NRG3: variants seen among roughly 807,000 people sequenced by gnomAD.
The protein encoded by NRG3 is neuregulin 3, also known as pro-neuregulin-3, membrane-bound isoform.
Under a neutral mutation model 66.9 loss-of-function variants are expected in NRG3, and 31 were observed. That is an observed-to-expected ratio of 0.46 (90% CI 0.35 to 0.63). The LOEUF (loss-of-function observed/expected upper bound fraction) is 0.63, where lower values mean the gene tolerates loss of function less well. Ranked by LOEUF, NRG3 falls within the 20% of genes least tolerant of loss-of-function variation. The pLI, the probability that NRG3 is intolerant of heterozygous loss-of-function variation, is 0.00. For missense variants in NRG3, 910 were observed against 878.9 expected, an observed-to-expected ratio of 1.04 and a Z score of -0.45; for synonymous variants, 393 against 359.4, an observed-to-expected ratio of 1.09 and a Z score of -1.06.
intron 2 of NRG3, among the ~76,000 whole-genome samples, chr10:82,441,593 C>T (rs192327034): frequency 2.6e-5 from 4 of 152,190 alleles, no homozygotes; most frequent in African/African-American, 4.8e-5. Flanking sequence ...TGAACCGGCC[C>T]GCACAGCGAT....
At chr10:82,033,649 A>G (rs1251104812) in intron 1 of NRG3, among the ~76,000 whole-genome samples, 1 of 152,142 alleles carries the variant, frequency 6.6e-6, no homozygotes, top group Non-Finnish European at 1.5e-5. Flanking sequence ...TGAATCAAGT[A>G]GTGATGGATG....
chr10:82,545,063 A>G (rs1480277431), intron 2 of NRG3, among the ~76,000 whole-genome samples: 3 of 152,158 alleles, frequency 2.0e-5, no homozygotes, highest in African/African-American at 4.8e-5. Flanking sequence ...CATTGCACAT[A>G]TATCTAGGGC....
intron 1 of NRG3, among the ~76,000 whole-genome samples, chr10:82,073,493 A>G (rs552999492): frequency 2.6e-5 from 4 of 152,272 alleles, no homozygotes; most frequent in African/African-American, 7.2e-5. Flanking sequence ...CTTTTTATCC[A>G]TGATCAGATT....
chr10:82,235,387 A>G (rs1291674858), intron 1 of NRG3, among the ~76,000 whole-genome samples: 6 of 152,252 alleles, frequency 3.9e-5, no homozygotes, highest in Non-Finnish European at 8.8e-5. Context: ...ATACAGTATT[A>G]GAATAGTTTA....
chr10:82,261,676 G>T (rs2078039770), intron 1 of NRG3, among the ~76,000 whole-genome samples: 2 of 152,184 alleles, frequency 1.3e-5, no homozygotes, highest in African/African-American at 4.8e-5. Flanking sequence ...TTCCTTATGG[G>T]AAACAGGGAT....
At chr10:82,321,301 T>TGGGGGG (rs373044749) in intron 1 of NRG3, among the ~76,000 whole-genome samples, 3 of 137,946 alleles carry the variant, frequency 2.2e-5, no homozygotes, top group Non-Finnish European at 4.7e-5. Flanking sequence ...GTGGCAGGGG[T>TGGGGGG]GGGGGTGGGG....
chr10:82,215,550 G>T (rs2075620944), intron 1 of NRG3, among the ~76,000 whole-genome samples: 1 of 152,118 alleles, frequency 6.6e-6, no homozygotes, highest in Admixed American at 6.5e-5. Flanking sequence ...GTTTTCTGCA[G>T]AATCATCTTC....
At chr10:82,919,693 C>G (rs1048895635) in intron 4 of NRG3, among the ~76,000 whole-genome samples, 1 of 152,128 alleles carries the variant, frequency 6.6e-6, no homozygotes, top group Non-Finnish European at 1.5e-5. Context: ...TTGGCTAACA[C>G]AAATGTAGAT....
At chr10:82,066,033 CATT>C (rs1198922118) in intron 1 of NRG3, among the ~76,000 whole-genome samples, 1 of 152,074 alleles carries the variant, frequency 6.6e-6, no homozygotes, top group Non-Finnish European at 1.5e-5. Flanking sequence ...ATCATTTTAA[CATT>C]ATAATCATTA....
At chr10:82,092,028 GA>G (rs1371977334) in intron 1 of NRG3, among the ~76,000 whole-genome samples, 1 of 152,078 alleles carries the variant, frequency 6.6e-6, no homozygotes, top group Non-Finnish European at 1.5e-5. Flanking sequence ...ATTTAGTGAA[GA>G]AAAAATATTA....
chr10:82,840,351 T>C (rs1028463373), intron 3 of NRG3, among the ~76,000 whole-genome samples: 1 of 152,268 alleles, frequency 6.6e-6, no homozygotes, highest in East Asian at 1.9e-4. Context: ...ATCTTGATCC[T>C]TTTTCTCCTA....
intron 1 of NRG3, among the ~76,000 whole-genome samples, chr10:82,143,741 G>A (rs949915566): frequency 5.3e-5 from 8 of 152,138 alleles, no homozygotes; most frequent in African/African-American, 1.9e-4. Flanking sequence ...AGCATGTGTG[G>A]ATATGTGGCT....
chr10:82,862,181 A>C (rs930954383), intron 3 of NRG3, among the ~76,000 whole-genome samples: 3 of 152,196 alleles, frequency 2.0e-5, no homozygotes, highest in African/African-American at 7.2e-5. Flanking sequence ...GGTCCTACCG[A>C]ATACCAACAG....
intron 2 of NRG3, among the ~76,000 whole-genome samples, chr10:82,381,947 A>G (rs937251342): frequency 6.6e-6 from 1 of 152,128 alleles, no homozygotes; most frequent in African/African-American, 2.4e-5. Flanking sequence ...AGTTTGGTTT[A>G]AACCATATTT....
chr10:82,208,595 T>G (rs961743230), intron 1 of NRG3, among the ~76,000 whole-genome samples: 7 of 152,042 alleles, frequency 4.6e-5, no homozygotes, highest in African/African-American at 7.2e-5. Context: ...TGTTCTTTGG[T>G]CTTCCCAGAG....
chr10:82,131,616 T>C (rs888748092), intron 1 of NRG3, among the ~76,000 whole-genome samples: 10 of 152,230 alleles, frequency 6.6e-5, no homozygotes, highest in Middle Eastern at 6.8e-3. Context: ...CAAATCTGTA[T>C]ATTGCTTTGG....
Position 82,579,235 on chromosome 10 carries a change from A to G in NRG3, c.954-159342A>G, listed in dbSNP as rs916523971. The stretch of plus-strand genomic sequence containing the variant: ...AATTAAGGAAACTGTATACTGCAAG[A>G]TTTTTTTTTTCTACTGGATTGAAAA... On this transcript the variant is annotated intron_variant, in intron 2 of 8. Coordinates refer to ENST00000372141, the MANE Select transcript of NRG3 (RefSeq NM_001010848.4). Among the ~76,000 whole-genome samples, 6 of 150,712 alleles carry G rather than the reference A, an allele frequency of 4.0e-5. No individual in the cohort carries two copies. The East Asian group carries it at 1.2e-3, about 29-fold the overall frequency.
intron 1 of NRG3, among the ~76,000 whole-genome samples, chr10:82,012,960 G>A (rs749025766): frequency 2.0e-5 from 3 of 152,124 alleles, no homozygotes; most frequent in Non-Finnish European, 2.9e-5. Context: ...CAACTAAACT[G>A]TTCCAAACTC....
Position 82,170,616 on chromosome 10 carries a change from T to C in NRG3, c.824-188123T>C, listed in dbSNP as rs183605096. On this transcript the variant is annotated intron_variant, in intron 1 of 8. Transcript: ENST00000372141. The stretch of plus-strand genomic sequence containing the variant: ...TCTCATTTTTAAAATGGGGAATAAT[T>C]GTGAGAATTGAATGAGATGATGTTT... Among the ~76,000 whole-genome samples the C allele has an allele frequency of 6.2e-3, 873 of 141,420 alleles. 11 individuals are homozygous for C. Among genetic ancestry groups the C allele is most frequent in the African/African-American group, 0.021 (833 of 38,964 alleles). The allele number at this position is 141,420 out of a possible 152,430, so 92.8% of individuals were successfully genotyped here.
Sources: gnomAD v4.1 joint callset for allele counts (sites outside exome capture counted in the v4.1 genomes callset) on GRCh38, gnomAD v4.1.1 for gene constraint, MANE v1.5 for transcripts, NCBI Gene and HGNC (gene_info 2026-07-23, HGNC 2026-07-21) for gene names.